SLC35F4: variants seen among roughly 807,000 people sequenced by gnomAD.
SLC35F4 encodes the protein chromosome 14 open reading frame 36.
SLC35F4 carries 24 observed loss-of-function variants against 44.2 expected under a neutral mutation model. That is an observed-to-expected ratio of 0.54 (90% CI 0.39 to 0.76). SLC35F4 has a LOEUF of 0.76. Ranked by LOEUF, SLC35F4 falls within the 30% of genes least tolerant of loss-of-function variation. SLC35F4 has a pLI of 0.00. For synonymous variants in SLC35F4, 238 were observed against 223.6 expected (o/e 1.06, Z -0.57); for missense variants, 562 against 586.1 (o/e 0.96, Z 0.42).
At chr14:57,769,813 A>C (rs1383765685) in intron 1 of SLC35F4, among the ~76,000 whole-genome samples, 2 of 152,218 alleles carry the variant, frequency 1.3e-5, no homozygotes, top group African/African-American at 2.4e-5. Context: ...AGAAATGAAA[A>C]TGAATTTTCT....
intron 1 of SLC35F4, among the ~76,000 whole-genome samples, chr14:57,929,428 CA>C (rs1451602742): frequency 6.6e-6 from 1 of 152,060 alleles, no homozygotes; most frequent in Non-Finnish European, 1.5e-5. Context: ...TACCCTCTTA[CA>C]GCACCTTAGA....
intron 1 of SLC35F4, among the ~76,000 whole-genome samples, chr14:57,915,972 G>A (rs1037550021): frequency 2.0e-5 from 3 of 152,140 alleles, no homozygotes; most frequent in African/African-American, 7.2e-5. Context: ...ATTTGCTACA[G>A]CAACAACCCT....
At chr14:57,878,033 CGTT>C (rs753222284) in intron 1 of SLC35F4, among the ~76,000 whole-genome samples, 12 of 151,892 alleles carry the variant, frequency 7.9e-5, no homozygotes, top group Non-Finnish European at 1.5e-4. Context: ...GATGGTATCT[CGTT>C]GTGGTTTTGG....
At chr14:57,619,628 C>T (rs1336750880) in intron 1 of SLC35F4, among the ~76,000 whole-genome samples, 1 of 152,076 alleles carries the variant, frequency 6.6e-6, no homozygotes, top group Non-Finnish European at 1.5e-5. Flanking sequence ...AACCAGAATG[C>T]CTCTTCTCCA....
intron 1 of SLC35F4, among the ~76,000 whole-genome samples, chr14:57,907,080 G>A (rs1889115176): frequency 6.6e-6 from 1 of 152,096 alleles, no homozygotes; most frequent in Non-Finnish European, 1.5e-5. Context: ...TAATTTGCAA[G>A]ATTTATTTAT....
intron 1 of SLC35F4, among the ~76,000 whole-genome samples, chr14:57,694,499 T>A (rs756102193): frequency 5.3e-5 from 8 of 152,306 alleles, no homozygotes; most frequent in South Asian, 2.1e-4. Flanking sequence ...ATTATTCCCT[T>A]GTATGACTAT....
chr14:57,713,381 T>A (rs1261186601), intron 1 of SLC35F4, among the ~76,000 whole-genome samples: 1 of 152,164 alleles, frequency 6.6e-6, no homozygotes, highest in Admixed American at 6.5e-5. Context: ...AGACCCTCCA[T>A]CTGGTGGTTC....
intron 1 of SLC35F4, among the ~76,000 whole-genome samples, chr14:57,700,592 A>G (rs1450434921): frequency 1.3e-5 from 2 of 152,158 alleles, no homozygotes; most frequent in African/African-American, 4.8e-5. Context: ...TAAAACACAC[A>G]TTGTATACCT....
At chr14:57,908,913 T>C (rs1889161571) in intron 1 of SLC35F4, among the ~76,000 whole-genome samples, 1 of 152,236 alleles carries the variant, frequency 6.6e-6, no homozygotes, top group Non-Finnish European at 1.5e-5. Context: ...TTTTATAGTT[T>C]TGGGTTTTAC....
At position 57,865,989 on chromosome 14, in the gene SLC35F4, AGCGGCGGCGGCGGCG is replaced by A; in HGVS notation, c.-179_-165del. 2.7e-6 allele frequency: 1 copy of A among 373,200 alleles called. No homozygotes were observed. The highest frequency in any genetic ancestry group is 4.5e-6 in the Non-Finnish European group (1 of 220,990). The allele number at this position is 373,200 out of a possible 1,614,324, so 23.1% of individuals were successfully genotyped here. On this transcript the variant is annotated 5_prime_UTR_variant, in exon 1 of 8. Coordinates refer to ENST00000556826, the MANE Select transcript of SLC35F4 (RefSeq NM_001306087.2). Reference sequence around the variant, plus strand: ...CGGCGCAGCACCGGCTCCGCATCACAGCGGCGGCGGCGGCGGCGGCGGCGGAGCGGCCCCCACTCG... The same window carrying A: ...CGGCGCAGCACCGGCTCCGCATCACAGCGGCGGCGGAGCGGCCCCCACTCG...
At chr14:57,677,433 G>T (rs2074731563) in intron 1 of SLC35F4, among the ~76,000 whole-genome samples, 1 of 151,382 alleles carries the variant, frequency 6.6e-6, no homozygotes, top group East Asian at 1.9e-4. Flanking sequence ...ATTTAAAAAG[G>T]GATAAACAGA....
downstream of SLC35F4, among the ~76,000 whole-genome samples, chr14:57,973,596 A>G (rs1881118813): frequency 1.3e-5 from 2 of 152,140 alleles, 1 homozygote; most frequent in Admixed American, 1.3e-4. Context: ...AGCCTTTTGC[A>G]TTATGGGATA....
At chr14:57,652,128 A>G (rs1279517008) in intron 1 of SLC35F4, among the ~76,000 whole-genome samples, 1 of 152,234 alleles carries the variant, frequency 6.6e-6, no homozygotes, top group Admixed American at 6.5e-5. Flanking sequence ...ATGGAATGTG[A>G]TGTAACTTCA....
downstream of SLC35F4, among the ~76,000 whole-genome samples, chr14:57,973,984 G>A (rs535582719): frequency 6.6e-6 from 1 of 152,280 alleles, no homozygotes; most frequent in South Asian, 2.1e-4. Flanking sequence ...CTATTGCTGT[G>A]TAGTAACTAC....
intron 1 of SLC35F4, among the ~76,000 whole-genome samples, chr14:57,680,544 TAAAGGGTATTCGA>T (rs2074862137): frequency 6.6e-6 from 1 of 152,012 alleles, no homozygotes. Flanking sequence ...GAGAAAGAAA[TAAAGGGTATTCGA>T]AAAGGGAAAG....
chr14:57,695,950 C>G (rs534517021), intron 1 of SLC35F4, among the ~76,000 whole-genome samples: 2 of 152,042 alleles, frequency 1.3e-5, no homozygotes, highest in African/African-American at 4.8e-5. Flanking sequence ...GGATTAAAGA[C>G]TTAAATGTAA....
intron 1 of SLC35F4, among the ~76,000 whole-genome samples, chr14:57,692,745 C>G (rs1037725063): frequency 6.6e-6 from 1 of 152,034 alleles, no homozygotes; most frequent in Non-Finnish European, 1.5e-5. Context: ...TACCTGACCA[C>G]CAAGAAGGAG....
intron 1 of SLC35F4, among the ~76,000 whole-genome samples, chr14:57,618,626 C>T: frequency 6.6e-6 from 1 of 152,208 alleles, no homozygotes; most frequent in East Asian, 1.9e-4. Flanking sequence ...TGGGCAGACA[C>T]CAAGTTAGCT....
intron 1 of SLC35F4, among the ~76,000 whole-genome samples, chr14:57,941,223 C>T (rs1295325969): frequency 6.6e-6 from 1 of 152,074 alleles, no homozygotes; most frequent in Admixed American, 6.5e-5. Context: ...GGAACTCAAA[C>T]AAATACCTGT....
Sources: allele counts gnomAD v4.1 joint callset (sites outside exome capture counted in the v4.1 genomes callset), GRCh38; gene constraint gnomAD v4.1.1; transcripts MANE v1.5; gene names NCBI Gene and HGNC (gene_info 2026-07-23, HGNC 2026-07-21).